The following FAT3 variants were observed in gnomAD, a reference collection of about 807,000 sequenced individuals.
FAT3 encodes the protein FAT atypical cadherin 3, also known as protocadherin Fat 3.
In FAT3, 95 loss-of-function variants were observed where a neutral mutation model predicts 310.2. The ratio of observed to expected loss-of-function variants is 0.31; its 90% CI spans 0.26 to 0.36. The LOEUF (loss-of-function observed/expected upper bound fraction) is 0.36, where lower values mean the gene tolerates loss of function less well. Ranked by LOEUF, FAT3 falls within the 10% of genes least tolerant of loss-of-function variation. The pLI is 1.00. For missense variants in FAT3, 5,408 were observed against 5,715.6 expected, an observed-to-expected ratio of 0.95 and a Z score of 1.74; for synonymous variants, 2,314 against 2,192.9, an observed-to-expected ratio of 1.06 and a Z score of -1.54.
rs56273706 is a variant in FAT3, at chr11:92,232,628, G to GTTTTTT, written c.-18+7475_-18+7480dup. Among the ~76,000 whole-genome samples, 437 of 74,794 alleles carry GTTTTTT rather than the reference G, an allele frequency of 5.8e-3. 2 individuals are homozygous for GTTTTTT. Among genetic ancestry groups the GTTTTTT allele is most frequent in the Non-Finnish European group, 7.2e-3 (306 of 42,486 alleles). The allele number at this position is 74,794 out of a possible 152,430, so 49.1% of individuals were successfully genotyped here. Reference sequence around the variant, plus strand: ...TGTGCTTCTTGACTTCAGTGATGTCGTTTTTTTTTTTTTTTTTTTTTTTTT... The same window carrying GTTTTTT: ...TGTGCTTCTTGACTTCAGTGATGTCGTTTTTTTTTTTTTTTTTTTTTTTTTTTTTTT... On this transcript the variant is annotated intron_variant, in intron 1 of 27. Coordinates refer to ENST00000525166, the MANE Select transcript of FAT3 (RefSeq NM_001367949.2).
At chr11:92,842,478 G>A (rs1288357891) in intron 18 of FAT3, among the ~76,000 whole-genome samples, 2 of 152,220 alleles carry the variant, frequency 1.3e-5, no homozygotes, top group African/African-American at 4.8e-5. Flanking sequence ...TTCAAGTTCA[G>A]TCTCATCTGC....
At chr11:92,695,409 G>A (rs1430946100) in intron 3 of FAT3, among the ~76,000 whole-genome samples, 1 of 151,956 alleles carries the variant, frequency 6.6e-6, no homozygotes, top group African/African-American at 2.4e-5. Flanking sequence ...CTTCTTGGTG[G>A]CAGTCTTTCC....
At chr11:92,678,404 C>A (rs753435562) in intron 3 of FAT3, among the ~76,000 whole-genome samples, 1 of 152,120 alleles carries the variant, frequency 6.6e-6, no homozygotes, top group East Asian at 1.9e-4. Context: ...CAGTGTGAAT[C>A]GGCCTTAGGC....
Position 92,799,142 on chromosome 11 carries a change from C to T in FAT3, c.6129C>T (p.Asp2043=), listed in dbSNP as rs1245660390. 3 of 1,613,934 alleles carry T rather than the reference C, an allele frequency of 1.9e-6. No homozygotes were observed. The Admixed American group carries it at 5.0e-5, about 27-fold the overall frequency. The change falls in exon 10 of 28, where the codon GAC becomes GAT. Residue 2043 remains aspartate, a synonymous_variant. Transcript: ENST00000525166. ...TTCAGACGACTGGAGTCCCCTTTGA[C>T]CGTGAAGAACAAGAGTTATATGAGC... ...GVIQTTGVPF[D]REEQELYELV...
chr11:92,730,052 A>C, intron 4 of FAT3, among the ~76,000 whole-genome samples: 1 of 152,184 alleles, frequency 6.6e-6, no homozygotes, highest in East Asian at 1.9e-4. Flanking sequence ...ATTGATTAAA[A>C]TTAATGTATT....
At chr11:92,828,363 T>C (rs1325110709) in intron 13 of FAT3, among the ~76,000 whole-genome samples, 3 of 152,110 alleles carry the variant, frequency 2.0e-5, no homozygotes, top group African/African-American at 7.2e-5. Context: ...TGCAATTGTG[T>C]CTAAATTGGA....
At chr11:92,620,446 A>G (rs183699022) in intron 3 of FAT3, among the ~76,000 whole-genome samples, 140 of 152,356 alleles carry the variant, frequency 9.2e-4, no homozygotes, top group Non-Finnish European at 1.6e-3. Context: ...ATGTACTTTC[A>G]TGTAGAAATA....
At chr11:92,395,820 C>T (rs942780393) in intron 2 of FAT3, among the ~76,000 whole-genome samples, 2 of 152,086 alleles carry the variant, frequency 1.3e-5, no homozygotes, top group African/African-American at 2.4e-5. Flanking sequence ...CTCAGGTGAT[C>T]CTCCCACCTT....
chr11:92,315,504 T>TAGAGAGAGAGAG, intron 1 of FAT3, among the ~76,000 whole-genome samples: 1 of 90,980 alleles, frequency 1.1e-5, no homozygotes, highest in Non-Finnish European at 2.2e-5. Context: ...TATATATATA[T>TAGAGAGAGAGAG]ATATATATAG....
chr11:92,819,153 G>A (rs1591776294), intron 13 of FAT3, among the ~76,000 whole-genome samples: 1 of 152,238 alleles, frequency 6.6e-6, no homozygotes, highest in East Asian at 1.9e-4. Context: ...TTAGTTGCAG[G>A]GCTGCAGACA....
rs1266234354 is a variant in FAT3 at position 92,598,036 on chromosome 11, T to A, written c.3607+73088T>A. Among the ~76,000 whole-genome samples, 3 of 151,994 alleles carry A rather than the reference T, an allele frequency of 2.0e-5. No individual in the cohort carries two copies. In the East Asian group the frequency reaches 5.8e-4, roughly 29 times the overall value. The stretch of plus-strand genomic sequence containing the variant: ...ACAATGTTGCTGGCTTTTTCTTTTT[T>A]AAAATGGTTTTCTTAGGTATGAGAA... On this transcript the variant is annotated intron_variant, in intron 3 of 27. Coordinates refer to ENST00000525166, the MANE Select transcript of FAT3 (RefSeq NM_001367949.2).
chr11:92,790,816 C>T (rs1310388021), intron 8 of FAT3, among the ~76,000 whole-genome samples: 3 of 152,116 alleles, frequency 2.0e-5, no homozygotes, highest in African/African-American at 4.8e-5. Flanking sequence ...TTAGCTAGTT[C>T]ACATAATTGG....
rs182178941 is a variant in FAT3 at position 92,435,748 on chromosome 11, G to A, written c.3292+80344G>A. Among the ~76,000 whole-genome samples the A allele has an allele frequency of 2.0e-5, 3 of 151,838 alleles. No individual in the cohort carries two copies. The East Asian group carries it at 5.9e-4, about 30-fold the overall frequency. On this transcript the variant is annotated intron_variant, in intron 2 of 27. Coordinates refer to ENST00000525166, the MANE Select transcript of FAT3 (RefSeq NM_001367949.2). The stretch of plus-strand genomic sequence containing the variant: ...CCCAGCTCTAATTGTTGTATTTTTA[G>A]TAGAGAGGGTGTTTCACTGTGTTGG...
chr11:92,582,549 T>G (rs1195286517), intron 3 of FAT3, among the ~76,000 whole-genome samples: 1 of 152,074 alleles, frequency 6.6e-6, no homozygotes, highest in Non-Finnish European at 1.5e-5. Context: ...TAGGTATTTC[T>G]TATATACAGA....
At chr11:92,846,152 G>C (rs1362537616) in intron 19 of FAT3, among the ~76,000 whole-genome samples, 1 of 152,086 alleles carries the variant, frequency 6.6e-6, no homozygotes, top group Non-Finnish European at 1.5e-5. Flanking sequence ...GCTCTGCTAG[G>C]GTCTGTATGC....
chr11:92,874,636 T>G (rs1302882544), intron 22 of FAT3, among the ~76,000 whole-genome samples: 1 of 152,212 alleles, frequency 6.6e-6, no homozygotes, highest in Non-Finnish European at 1.5e-5. Context: ...GCCTCCTGGA[T>G]TCAAGTGATT....
intron 4 of FAT3, among the ~76,000 whole-genome samples, chr11:92,751,154 G>A (rs1945817814): frequency 6.6e-6 from 1 of 152,180 alleles, no homozygotes; most frequent in African/African-American, 2.4e-5. Flanking sequence ...ATGCCCATGG[G>A]GTGGGGCAAG....
At chr11:92,564,478 C>G (rs901809664) in intron 3 of FAT3, among the ~76,000 whole-genome samples, 2 of 150,734 alleles carry the variant, frequency 1.3e-5, no homozygotes, top group Non-Finnish European at 3.0e-5. Context: ...GACAGATCAA[C>G]GAGACAGAAA....
chr11:92,311,422 T>A (rs996702958), intron 1 of FAT3, among the ~76,000 whole-genome samples: 4 of 152,196 alleles, frequency 2.6e-5, no homozygotes, highest in Admixed American at 6.5e-5. Context: ...TCTATCTCTA[T>A]TTATCACTCT....
Sources: gnomAD v4.1 joint callset for allele counts (sites outside exome capture counted in the v4.1 genomes callset) on GRCh38, gnomAD v4.1.1 for gene constraint, MANE v1.5 for transcripts, NCBI Gene and HGNC (gene_info 2026-07-23, HGNC 2026-07-21) for gene names.